ATP1A1: variants seen among roughly 807,000 people sequenced by gnomAD.
The protein encoded by ATP1A1 is ATPase Na+/K+ transporting subunit alpha 1, also known as sodium/potassium-transporting ATPase subunit alpha-1.
A neutral mutation model predicts 114.8 loss-of-function variants in ATP1A1; 14 were observed. The observed-to-expected ratio is 0.12, with a 90% CI of 0.08 to 0.19. The LOEUF is 0.19. Among genes scored for constraint, ATP1A1 ranks in the 10% least tolerant of loss-of-function variants. The probability of loss-of-function intolerance (pLI) is 1.00; values close to 1 mark genes in which losing one functional copy is unlikely to be tolerated. For missense variants in ATP1A1, 524 were observed against 1,290.7 expected (o/e 0.41, Z 9.10); for synonymous variants, 471 against 466.3 (o/e 1.01, Z -0.13).
rs901438076 is a variant in ATP1A1 at position 116,384,980 on chromosome 1, T to A, written c.183+138T>A. ...CCATCTGCGTATCTACCATGTGACA[T>A]GCACAGAATTTGGGCATTTATATGC... On this transcript the variant is annotated intron_variant, in intron 3 of 22. Coordinates refer to ENST00000295598, the MANE Select transcript of ATP1A1 (RefSeq NM_000701.8). The surrounding 1 kb of genome is among the most constrained non-coding windows in gnomAD (Gnocchi z 5.1). The A allele has an allele frequency of 2.5e-6, 2 of 807,160 alleles. No homozygotes were observed. Among genetic ancestry groups the A allele is most frequent in the Non-Finnish European group, 4.1e-6 (2 of 493,772 alleles). 50.0% of individuals were successfully genotyped at this position (807,160 alleles called of 1,614,324 possible). A position where few individuals can be genotyped will look rare whatever the true frequency, so the allele number is the denominator to read the frequency against.
chr1:116,378,630 C>T (rs975844313), intron 1 of ATP1A1, among the ~76,000 whole-genome samples: 1 of 152,130 alleles, frequency 6.6e-6, no homozygotes, highest in African/African-American at 2.4e-5. Flanking sequence ...CCACATGATG[C>T]TTCCATGGCA....
chr1:116,400,331 T>C (rs1344721605), intron 18 of ATP1A1, among the ~76,000 whole-genome samples: 2 of 152,178 alleles, frequency 1.3e-5, no homozygotes, highest in African/African-American at 4.8e-5. Context: ...GAAGGAAGAC[T>C]AGGTCTCTGG....
At position 116,388,957 on chromosome 1, in the gene ATP1A1, T is replaced by C; in HGVS notation, c.692T>C (p.Phe231Ser). 1 of 1,614,206 alleles carries C rather than the reference T, an allele frequency of 6.2e-7. No individual in the cohort carries two copies. Among genetic ancestry groups the C allele is most frequent in the Non-Finnish European group, 8.5e-7 (1 of 1,180,038 alleles). The part of the protein sequence containing the change: ...ESEPQTRSPD[F>S]TNENPLETRN... ...GAACCCCAGACTAGGTCTCCAGATTTCACAAATGAAAACCCCCTGGAGACG... is the reference window on the plus strand; with the variant it reads ...GAACCCCAGACTAGGTCTCCAGATTCCACAAATGAAAACCCCCTGGAGACG... Residue 231 changes from phenylalanine to serine, a missense_variant, in exon 7 of 23, where the codon TTC becomes TCC. Phe to Ser is a radical substitution (Grantham distance 155, BLOSUM62 -2). Coordinates refer to ENST00000295598, the MANE Select transcript of ATP1A1 (RefSeq NM_000701.8). The surrounding 1 kb of genome is among the most constrained non-coding windows in gnomAD (Gnocchi z 5.6).
Position 116,387,600 on chromosome 1 carries a change from T to C in ATP1A1, c.387+109T>C. The C allele has an allele frequency of 8.3e-7, 1 of 1,207,986 alleles. No homozygotes were observed. The highest frequency in any genetic ancestry group is 1.2e-6 in the Non-Finnish European group (1 of 859,532). 74.8% of individuals were successfully genotyped at this position (1,207,986 alleles called of 1,614,324 possible). A position where few individuals can be genotyped will look rare whatever the true frequency, so the allele number is the denominator to read the frequency against. ...CACTCATTACTTAATGGTTATGAAC[T>C]CATTACTTAATGGTTATGAACAGCT... is the stretch of plus-strand genomic sequence containing the variant. On this transcript the variant is annotated intron_variant, in intron 4 of 22. Transcript: ENST00000295598. This position sits in a 1 kb window ranked among gnomAD's most constrained non-coding sequence, Gnocchi z 6.7.
chr1:116,403,759 T>C, intron 21 of ATP1A1, 125 bp from the exon 22 acceptor site: 1 of 785,710 alleles, frequency 1.3e-6, no homozygotes, highest in South Asian at 1.7e-5. Context: ...AGTAGTTAAC[T>C]GTGACTGTAC....
Position 116,388,106 on chromosome 1 carries a change from C to T in ATP1A1, c.388-25C>T. On this transcript the variant is annotated intron_variant, in intron 4 of 22. Transcript: ENST00000295598. This position sits in a 1 kb window ranked among gnomAD's most constrained non-coding sequence, Gnocchi z 5.6. Reference sequence around the variant, plus strand: ...CCTAATTATTGTGTAGAGCCACGGGCCCTAACTTGTCTTTTCCCTTCCAGC... The same window carrying T: ...CCTAATTATTGTGTAGAGCCACGGGTCCTAACTTGTCTTTTCCCTTCCAGC... 6.7e-7 allele frequency: 1 copy of T among 1,494,972 alleles called. No individual in the cohort carries two copies. The highest frequency in any genetic ancestry group is 9.3e-7 in the Non-Finnish European group (1 of 1,078,798). 92.6% of individuals were successfully genotyped at this position (1,494,972 alleles called of 1,614,324 possible).
chr1:116,400,718 C>A, intron 18 of ATP1A1, 143 bp from the exon 19 acceptor site: 1 of 1,014,088 alleles, frequency 9.9e-7, no homozygotes, highest in Non-Finnish European at 1.4e-6. Flanking sequence ...AGTGACCAGG[C>A]AATTCTTTCC....
chr1:116,390,714 G>T, intron 9 of ATP1A1, 68 bp from the exon 10 acceptor site: 1 of 1,286,762 alleles, frequency 7.8e-7, no homozygotes, highest in Non-Finnish European at 1.1e-6. Context: ...ACTTTAATAG[G>T]AGAACTGAGA....
At chr1:116,383,152 A>T (rs1352882031) in intron 1 of ATP1A1, among the ~76,000 whole-genome samples, 1 of 152,200 alleles carries the variant, frequency 6.6e-6, no homozygotes, top group Non-Finnish European at 1.5e-5. Context: ...CCTGTGAATT[A>T]TGTGATAATG....
intron 21 of ATP1A1, among the ~76,000 whole-genome samples, chr1:116,403,642 G>A (rs990493862): frequency 6.6e-6 from 1 of 152,200 alleles, no homozygotes; most frequent in Non-Finnish European, 1.5e-5. Flanking sequence ...GATGAGTAGG[G>A]ATTCCATTAC....
chr1:116,388,678 A>G lies in ATP1A1; in HGVS notation c.542A>G (p.Asn181Ser), dbSNP rs2101044325. ...VIRNGEKMSI[N>S]AEEVVVGDLV... is the part of the protein sequence containing the mutation. The stretch of plus-strand genomic sequence containing the variant: ...CGAAATGGTGAGAAAATGAGCATAA[A>G]TGCGGAGGAAGTTGTGGTTGGGGAT... Residue 181 changes from asparagine (N) to serine (S), a missense_variant, in exon 6 of 23, where the codon AAT becomes AGT. Physicochemically the swap from Asn to Ser is conservative, Grantham distance 46 (BLOSUM62 1). This residue lies in a region of ATP1A1 where 141 missense variants were observed against 316.6 expected (regional missense o/e 0.45). Transcript: ENST00000295598. This position sits in a 1 kb window ranked among gnomAD's most constrained non-coding sequence, Gnocchi z 5.6. 1 of 1,614,240 alleles carries G rather than the reference A, an allele frequency of 6.2e-7. No homozygotes were observed. Among genetic ancestry groups the G allele is most frequent in the Non-Finnish European group, 8.5e-7 (1 of 1,180,038 alleles).
At chr1:116,390,496 T>A (rs1483887231) in intron 9 of ATP1A1, 85 bp downstream of exon 9, 1 of 1,387,698 alleles carries the variant, frequency 7.2e-7, no homozygotes, top group East Asian at 2.3e-5. Flanking sequence ...GAAATTTCTT[T>A]TTTTTTTTTA....
At position 116,401,418 on chromosome 1, in the gene ATP1A1, G is replaced by GT; in HGVS notation, c.2850-130dup. On this transcript the variant is annotated intron_variant, in intron 20 of 22. Transcript: ENST00000295598. The surrounding 1 kb of genome is among the most constrained non-coding windows in gnomAD (Gnocchi z 4.7). Reference sequence around the variant, plus strand: ...AGGAAGCAAGAAATGTAGCTTTCTAGTTTTTTCATCTGACCTCCAAGTTTT... The same window carrying GT: ...AGGAAGCAAGAAATGTAGCTTTCTAGTTTTTTTCATCTGACCTCCAAGTTTT... 6.8e-7 allele frequency: 1 copy of GT among 1,463,278 alleles called. No homozygotes were observed. The highest frequency in any genetic ancestry group is 1.4e-5 in the African/African-American group (1 of 70,706). 90.6% of individuals were successfully genotyped at this position (1,463,278 alleles called of 1,614,324 possible).
chr1:116,404,504 C>G lies in ATP1A1; in HGVS notation c.*60C>G. On this transcript the variant is annotated 3_prime_UTR_variant, in exon 23 of 23. Transcript: ENST00000295598. This position sits in a 1 kb window ranked among gnomAD's most constrained non-coding sequence, Gnocchi z 4.8. ...CACACTCTGCATCCGACACCCACCC[C>G]CTCTTTGTGTACTTCAGTCTTGGAG... is the stretch of plus-strand genomic sequence containing the variant. 1.3e-6 allele frequency: 2 copies of G among 1,568,586 alleles called. No homozygotes were observed. Among genetic ancestry groups the G allele is most frequent in the Admixed American group, 2.1e-5 (1 of 48,588 alleles).
At chr1:116,390,489 A>G (rs1317035065) in intron 9 of ATP1A1, 78 bp downstream of exon 9, 5 of 1,289,100 alleles carry the variant, frequency 3.9e-6, no homozygotes, top group Non-Finnish European at 5.2e-6. Context: ...ATTGCATGAA[A>G]TTTCTTTTTT....
At chr1:116,390,090 C>A in intron 8 of ATP1A1, 123 bp from the exon 9 acceptor site, 1 of 1,046,176 alleles carries the variant, frequency 9.6e-7, no homozygotes, top group Non-Finnish European at 1.4e-6. Flanking sequence ...TTTCTTCAAA[C>A]TTCAGAAGAA....
rs754024918 is a variant in ATP1A1, at chr1:116,392,982, G to A, written c.1461G>A (p.Lys487=). ...AGATACCCTTCAACTCCACCAACAA[G>A]TACCAGGTCTGAAGATCGATGGGTA... The part of the protein sequence containing the change: ...IVEIPFNSTN[K]YQLSIHKNPN... The change falls in exon 11 of 23, where the codon AAG becomes AAA. Residue 487 remains lysine, a synonymous_variant. Coordinates refer to ENST00000295598, the MANE Select transcript of ATP1A1 (RefSeq NM_000701.8). 1.2e-6 allele frequency: 2 copies of A among 1,614,072 alleles called. No homozygotes were observed.
intron 1 of ATP1A1, among the ~76,000 whole-genome samples, chr1:116,374,577 C>T (rs546605535): frequency 4.6e-5 from 7 of 152,330 alleles, no homozygotes; most frequent in African/African-American, 1.4e-4. Flanking sequence ...TCCTACATTT[C>T]TGTAGCGAAG....
Position 116,389,290 on chromosome 1 carries a change from C to T in ATP1A1, c.755-149C>T. 1 of 1,054,022 alleles carries T rather than the reference C, an allele frequency of 9.5e-7. No individual in the cohort carries two copies. The highest frequency in any genetic ancestry group is 1.4e-6 in the Non-Finnish European group (1 of 725,488). 65.3% of individuals were successfully genotyped at this position (1,054,022 alleles called of 1,614,324 possible). A position where few individuals can be genotyped will look rare whatever the true frequency, so the allele number is the denominator to read the frequency against. On this transcript the variant is annotated intron_variant, in intron 7 of 22. Coordinates refer to ENST00000295598, the MANE Select transcript of ATP1A1 (RefSeq NM_000701.8). The surrounding 1 kb of genome is among the most constrained non-coding windows in gnomAD (Gnocchi z 6.9). ...ACTGGAGAGAAGTCCCTTTGCCAAA[C>T]AGCATGTACAGCCAAAGAGCTGGCC...
Sources: allele counts gnomAD v4.1 joint callset (sites outside exome capture counted in the v4.1 genomes callset), GRCh38; gene constraint gnomAD v4.1.1; regional missense constraint gnomAD v4.1.1; non-coding constraint Gnocchi (gnomAD v3.1); transcripts MANE v1.5; gene names NCBI Gene and HGNC (gene_info 2026-07-23, HGNC 2026-07-21).